The following PRCP variants were observed in gnomAD, a reference collection of about 807,000 sequenced individuals.
PRCP encodes lysosomal Pro-X carboxypeptidase.
A neutral mutation model predicts 54.2 loss-of-function variants in PRCP; 46 were observed. That is an observed-to-expected ratio of 0.85 (90% CI 0.67 to 1.09). The LOEUF (loss-of-function observed/expected upper bound fraction) is 1.09, where lower values mean the gene tolerates loss of function less well. Ranked by LOEUF, PRCP falls within the 50% of genes least tolerant of loss-of-function variation. The pLI is 0.00. For synonymous variants in PRCP, 240 were observed against 212.2 expected, an observed-to-expected ratio of 1.13 and a Z score of -1.14; for missense variants, 613 against 596.8, an observed-to-expected ratio of 1.03 and a Z score of -0.28.
chr11:82,891,060 T>A (rs184427770), intron 1 of PRCP, among the ~76,000 whole-genome samples: 68 of 152,338 alleles, frequency 4.5e-4, no homozygotes, highest in African/African-American at 1.6e-3. Flanking sequence ...AAATTTGTAT[T>A]ACTTGCCCCA....
intron 3 of PRCP, 84 bp downstream of exon 3, chr11:82,853,093 A>G: frequency 1.1e-6 from 1 of 928,026 alleles, no homozygotes; most frequent in Non-Finnish European, 1.6e-6. Flanking sequence ...AATTTAAGTT[A>G]TCTCACAGTG....
intron 1 of PRCP, among the ~76,000 whole-genome samples, chr11:82,886,169 C>T (rs554930982): frequency 6.6e-6 from 1 of 152,316 alleles, no homozygotes; most frequent in Admixed American, 6.5e-5. Flanking sequence ...TATATTTTTG[C>T]TGTCCAAAAT....
intron 1 of PRCP, among the ~76,000 whole-genome samples, chr11:82,879,733 G>C (rs968034098): frequency 6.6e-6 from 1 of 152,226 alleles, no homozygotes; most frequent in African/African-American, 2.4e-5. Context: ...TGTCCTTTCT[G>C]TTTGTTAGTT....
intron 1 of PRCP, among the ~76,000 whole-genome samples, chr11:82,896,547 C>A (rs775800843): frequency 3.3e-5 from 5 of 151,616 alleles, no homozygotes; most frequent in South Asian, 2.1e-4. Context: ...GGCGTGGTGG[C>A]GGGCACCTGT....
chr11:82,845,034 T>TAA (rs11348532), intron 6 of PRCP, among the ~76,000 whole-genome samples: 7 of 116,788 alleles, frequency 6.0e-5, no homozygotes, highest in African/African-American at 2.2e-4. Context: ...TATGTAATAG[T>TAA]AAAAAAAAAA....
intron 8 of PRCP, chr11:82,836,859 T>C (rs1049018788): frequency 5.9e-5 from 23 of 387,418 alleles, no homozygotes; most frequent in Non-Finnish European, 9.9e-5. Context: ...CCTTGCATTT[T>C]TGTTGGCTGA....
At chr11:82,867,718 C>CT (rs779428326) in intron 1 of PRCP, among the ~76,000 whole-genome samples, 18 of 151,522 alleles carry the variant, frequency 1.2e-4, no homozygotes, top group Non-Finnish European at 1.6e-4. Flanking sequence ...AAGACCATTA[C>CT]TTTTTTTTTG....
At chr11:82,873,304 A>G (rs576482530) in intron 1 of PRCP, among the ~76,000 whole-genome samples, 16 of 152,170 alleles carry the variant, frequency 1.1e-4, no homozygotes, top group African/African-American at 3.1e-4. Flanking sequence ...TTTAACAACA[A>G]TCAACAAAAG....
chr11:82,900,155 T>C, intron 1 of PRCP, 80 bp downstream of exon 1: 5 of 1,525,524 alleles, frequency 3.3e-6, no homozygotes, highest in Non-Finnish European at 3.6e-6. Context: ...AATTTCGAGG[T>C]AGGCTCCGTT....
intron 1 of PRCP, among the ~76,000 whole-genome samples, chr11:82,882,854 A>AACAC (rs3222274): frequency 6.9e-5 from 5 of 72,000 alleles, no homozygotes; most frequent in East Asian, 3.0e-4. Context: ...CTACCTGTGC[A>AACAC]ACACACACAC....
chr11:82,860,771 T>C (rs1383416195), intron 1 of PRCP, among the ~76,000 whole-genome samples: 8 of 152,122 alleles, frequency 5.3e-5, no homozygotes, highest in African/African-American at 1.7e-4. Flanking sequence ...ACCATAGATA[T>C]TCTAAGTTAC....
chr11:82,896,855 A>G (rs1228686587), intron 1 of PRCP, among the ~76,000 whole-genome samples: 1 of 152,094 alleles, frequency 6.6e-6, no homozygotes, highest in African/African-American at 2.4e-5. Flanking sequence ...CCTTAATAAA[A>G]ATCTCTCTCA....
rs114409929 is a variant in PRCP at position 82,887,473 on chromosome 11, T to C, written c.168+12762A>G. Among the ~76,000 whole-genome samples, 707 of 152,328 alleles carry C rather than the reference T, an allele frequency of 4.6e-3. 6 individuals are homozygous for C. The highest frequency in any genetic ancestry group is 0.016 in the African/African-American group (661 of 41,560). ...TCAACTATCATAGAGTGATACTTCA[T>C]TGTTATCTGTTGGAGCTCAGAAAAC... is the stretch of plus-strand genomic sequence containing the variant. On this transcript the variant is annotated intron_variant, in intron 1 of 8. Transcript: ENST00000313010.
upstream of PRCP, chr11:82,900,477 C>T: frequency 6.6e-7 from 1 of 1,512,654 alleles, no homozygotes; most frequent in South Asian, 1.2e-5. Flanking sequence ...CTAAGCCCTG[C>T]CCAGCCTGCA....
chr11:82,869,545 C>T (rs1020366803), intron 1 of PRCP, among the ~76,000 whole-genome samples: 12 of 152,006 alleles, frequency 7.9e-5, no homozygotes, highest in African/African-American at 2.9e-4. Flanking sequence ...TTCTCTAAAC[C>T]AACAGTGAAT....
intron 1 of PRCP, among the ~76,000 whole-genome samples, chr11:82,860,336 C>T (rs1859180018): frequency 6.7e-6 from 1 of 149,400 alleles, no homozygotes. Context: ...TATTGGTGAT[C>T]AAGATTTTCA....
intron 1 of PRCP, among the ~76,000 whole-genome samples, chr11:82,887,688 AC>A (rs1338337426): frequency 1.3e-5 from 2 of 152,068 alleles, no homozygotes; most frequent in African/African-American, 2.4e-5. Context: ...AGAAACTAGG[AC>A]CCTTCTTCCT....
At chr11:82,874,818 T>C (rs1007997037) in intron 1 of PRCP, among the ~76,000 whole-genome samples, 5 of 152,088 alleles carry the variant, frequency 3.3e-5, no homozygotes, top group Non-Finnish European at 7.4e-5. Context: ...AGGCAATAGT[T>C]AAGCCTTTAA....
At chr11:82,869,355 CAAAA>C (rs36024787) in intron 1 of PRCP, among the ~76,000 whole-genome samples, 2 of 80,482 alleles carry the variant, frequency 2.5e-5, no homozygotes, top group Admixed American at 1.3e-4. Context: ...GACTCCATCT[CAAAA>C]AAAAAAAAAA....
Sources: allele counts gnomAD v4.1 joint callset (sites outside exome capture counted in the v4.1 genomes callset), GRCh38; gene constraint gnomAD v4.1.1; transcripts MANE v1.5; gene names NCBI Gene and HGNC (gene_info 2026-07-23, HGNC 2026-07-21).